LARGE1: variants seen among roughly 807,000 people sequenced by gnomAD.
LARGE1 encodes LARGE xylosyl- and glucuronyltransferase 1.
A neutral mutation model predicts 87.6 loss-of-function variants in LARGE1; 43 were observed. The ratio of observed to expected loss-of-function variants is 0.49; its 90% CI spans 0.38 to 0.63. The LOEUF (loss-of-function observed/expected upper bound fraction) is 0.63, where lower values mean the gene tolerates loss of function less well. Ranked by LOEUF, LARGE1 falls within the 30% of genes least tolerant of loss-of-function variation. The pLI is 0.00. For synonymous variants in LARGE1, 434 were observed against 394.6 expected, an observed-to-expected ratio of 1.10 and a Z score of -1.18; for missense variants, 802 against 1,000.2, an observed-to-expected ratio of 0.80 and a Z score of 2.67.
chr22:33,878,053 T>TTTTACCTC (rs1227555504), intron 1 of LARGE1, among the ~76,000 whole-genome samples: 1 of 151,124 alleles, frequency 6.6e-6, no homozygotes, highest in Non-Finnish European at 1.5e-5. Flanking sequence ...ATTAAATTAA[T>TTTTACCTC]TTTACCTCTT....
chr22:33,887,789 C>T (rs2064896906), intron 1 of LARGE1, among the ~76,000 whole-genome samples: 1 of 152,106 alleles, frequency 6.6e-6, no homozygotes, highest in Admixed American at 6.5e-5. Flanking sequence ...CTTCAGCAGT[C>T]TGAACAGACT....
intron 1 of LARGE1, among the ~76,000 whole-genome samples, chr22:33,772,388 T>C (rs2085099480): frequency 6.6e-6 from 1 of 152,122 alleles, no homozygotes; most frequent in African/African-American, 2.4e-5. Flanking sequence ...CCAAACTCTT[T>C]GCTCCACCTA....
chr22:33,724,592 TG>T (rs577370281), intron 2 of LARGE1, among the ~76,000 whole-genome samples: 51 of 152,320 alleles, frequency 3.3e-4, no homozygotes, highest in African/African-American at 1.2e-3. Flanking sequence ...CACCCAGCCA[TG>T]CCCACAGGCT....
At chr22:33,551,929 G>T (rs1231593464) in intron 6 of LARGE1, among the ~76,000 whole-genome samples, 1 of 141,946 alleles carries the variant, frequency 7.0e-6, no homozygotes, top group East Asian at 2.0e-4. Context: ...GGGAGGCGGA[G>T]CATGCAGTGA....
chr22:33,529,934 ACTG>A (rs2072111978), intron 6 of LARGE1, among the ~76,000 whole-genome samples: 2 of 152,122 alleles, frequency 1.3e-5, no homozygotes, highest in Non-Finnish European at 1.5e-5. Context: ...GCAGCGGGAG[ACTG>A]CTGATTTCAG....
intron 11 of LARGE1, among the ~76,000 whole-genome samples, chr22:33,251,711 C>A (rs1003306163): frequency 1.3e-5 from 2 of 152,212 alleles, no homozygotes; most frequent in African/African-American, 4.8e-5. Context: ...TTGCAAACCT[C>A]TATTGCCATA....
At chr22:33,676,124 G>C (rs530153388) in intron 2 of LARGE1, among the ~76,000 whole-genome samples, 14 of 151,464 alleles carry the variant, frequency 9.2e-5, no homozygotes, top group Non-Finnish European at 1.5e-4. Flanking sequence ...AGATATTTTT[G>C]CACAAAACAT....
At chr22:33,860,458 AGTT>A (rs1288454084) in intron 1 of LARGE1, among the ~76,000 whole-genome samples, 2 of 152,218 alleles carry the variant, frequency 1.3e-5, no homozygotes, top group African/African-American at 4.8e-5. Context: ...TAAGAAATAA[AGTT>A]GTGGCCAGAG....
At chr22:33,918,914 C>G (rs541729023) in intron 1 of LARGE1, among the ~76,000 whole-genome samples, 2 of 66,268 alleles carry the variant, frequency 3.0e-5, no homozygotes, top group African/African-American at 5.6e-5. Context: ...GATCTCCCCC[C>G]ACTCCCTCCT....
chr22:33,172,493 A>T (rs1473956523), intron 11 of LARGE1, among the ~76,000 whole-genome samples: 1 of 152,028 alleles, frequency 6.6e-6, no homozygotes, highest in African/African-American at 2.4e-5. Context: ...TGAAGAAGGT[A>T]CTTGCTTCCC....
chr22:33,740,739 C>G (rs2083850491), intron 2 of LARGE1, among the ~76,000 whole-genome samples: 1 of 152,182 alleles, frequency 6.6e-6, no homozygotes, highest in African/African-American at 2.4e-5. Context: ...ACTATGGAGA[C>G]CTTGAAGTCC....
At chr22:33,320,263 C>T (rs1569052022) in intron 10 of LARGE1, among the ~76,000 whole-genome samples, 2 of 152,094 alleles carry the variant, frequency 1.3e-5, no homozygotes, top group African/African-American at 4.8e-5. Context: ...TCCCTCACAC[C>T]TCCGTGACTT....
chr22:33,295,654 A>C (rs1016583921), intron 12 of LARGE1, among the ~76,000 whole-genome samples: 10 of 152,172 alleles, frequency 6.6e-5, no homozygotes, highest in Non-Finnish European at 1.3e-4. Context: ...AGGCCAGGGA[A>C]TAGGGTTTGC....
intron 5 of LARGE1, among the ~76,000 whole-genome samples, chr22:33,576,558 G>C (rs974490278): frequency 6.6e-6 from 1 of 152,112 alleles, no homozygotes; most frequent in South Asian, 2.1e-4. Context: ...CTTTATCAGG[G>C]TATGCCATAA....
intron 7 of LARGE1, among the ~76,000 whole-genome samples, chr22:33,423,851 T>C (rs146995406): frequency 1.1e-3 from 165 of 152,224 alleles, no homozygotes; most frequent in Non-Finnish European, 2.1e-3. Context: ...TACCCTAATA[T>C]GAAATCTAAT....
chr22:33,893,670 ATTAAC>A (rs1168330784), intron 1 of LARGE1, among the ~76,000 whole-genome samples: 1 of 152,210 alleles, frequency 6.6e-6, no homozygotes, highest in Non-Finnish European at 1.5e-5. Context: ...GAAATCAATC[ATTAAC>A]TTAAGTGGTA....
At chr22:33,195,058 C>T (rs1046397264) in intron 11 of LARGE1, among the ~76,000 whole-genome samples, 1 of 152,144 alleles carries the variant, frequency 6.6e-6, no homozygotes, top group South Asian at 2.1e-4. Flanking sequence ...TTTTTAAAAT[C>T]TGTGTTCAAG....
intron 11 of LARGE1, among the ~76,000 whole-genome samples, chr22:33,195,749 C>CTTTTTTTTTT (rs201916623): frequency 6.7e-5 from 6 of 89,694 alleles, no homozygotes; most frequent in Non-Finnish European, 1.2e-4. Flanking sequence ...TTTCTTTTTT[C>CTTTTTTTTTT]TTTTTTCTTT....
intron 7 of LARGE1, among the ~76,000 whole-genome samples, chr22:33,410,981 G>T (rs1258629653): frequency 6.6e-6 from 1 of 152,160 alleles, no homozygotes; most frequent in Non-Finnish European, 1.5e-5. Flanking sequence ...AGGAAACCAC[G>T]TTCTGAATGA....
Sources: allele counts gnomAD v4.1 joint callset (sites outside exome capture counted in the v4.1 genomes callset), GRCh38; gene constraint gnomAD v4.1.1; transcripts MANE v1.5; gene names NCBI Gene and HGNC (gene_info 2026-07-23, HGNC 2026-07-21).